Variants in CNGB3 observed in about 807,000 individuals in gnomAD.
CNGB3 encodes cyclic nucleotide-gated channel beta-3.
Under a neutral mutation model 92.8 loss-of-function variants are expected in CNGB3, and 86 were observed. The observed-to-expected ratio is 0.93, with a 90% CI of 0.78 to 1.11. The LOEUF (loss-of-function observed/expected upper bound fraction) is 1.11. CNGB3 is among the 50% of genes least tolerant of loss of function. The probability of loss-of-function intolerance (pLI) is 0.00; values close to 1 mark genes in which losing one functional copy is unlikely to be tolerated. For missense variants in CNGB3, 1,026 were observed against 956.8 expected (o/e 1.07, Z -0.95); for synonymous variants, 333 against 332.7 (o/e 1.00, Z -0.01).
intron 15 of CNGB3, among the ~76,000 whole-genome samples, chr8:86,593,304 G>A (rs762487463): frequency 3.9e-5 from 6 of 152,082 alleles, no homozygotes; most frequent in Non-Finnish European, 8.8e-5. Flanking sequence ...TCCATGCTCT[G>A]TTTATTTATC....
chr8:86,695,983 G>A (rs1480627322), intron 3 of CNGB3, among the ~76,000 whole-genome samples: 1 of 152,086 alleles, frequency 6.6e-6, no homozygotes, highest in Non-Finnish European at 1.5e-5. Context: ...TCTGAAAAGT[G>A]TCCTGTGATT....
At chr8:86,623,647 T>C (rs974552422) in intron 13 of CNGB3, among the ~76,000 whole-genome samples, 10 of 152,190 alleles carry the variant, frequency 6.6e-5, no homozygotes, top group Non-Finnish European at 8.8e-5. Context: ...GCATTAGGGA[T>C]TGAGTTTCCA....
intron 3 of CNGB3, among the ~76,000 whole-genome samples, chr8:86,689,393 T>A (rs1380180860): frequency 6.6e-6 from 1 of 151,858 alleles, no homozygotes; most frequent in East Asian, 1.9e-4. Flanking sequence ...TCTCCAGGTA[T>A]TACTGTATTG....
chr8:86,630,758 C>T (rs558651138), intron 11 of CNGB3, among the ~76,000 whole-genome samples: 53 of 152,048 alleles, frequency 3.5e-4, no homozygotes, highest in Non-Finnish European at 5.0e-4. Context: ...CCTGTAGTCC[C>T]AGCTACCTGG....
intron 4 of CNGB3, among the ~76,000 whole-genome samples, chr8:86,668,551 C>T (rs896051771): frequency 7.9e-5 from 12 of 152,100 alleles, no homozygotes; most frequent in Admixed American, 5.2e-4. Context: ...TTGATACAGA[C>T]AGATGAAACA....
chr8:86,683,821 C>T (rs1318568231), intron 3 of CNGB3, among the ~76,000 whole-genome samples: 4 of 152,076 alleles, frequency 2.6e-5, no homozygotes, highest in Non-Finnish European at 5.9e-5. Context: ...AAACCTACAC[C>T]TTATACAAAA....
intron 6 of CNGB3, among the ~76,000 whole-genome samples, chr8:86,666,261 A>T (rs1455418641): frequency 6.6e-6 from 1 of 152,228 alleles, no homozygotes. Flanking sequence ...TTCTTTTGGT[A>T]TTGATAATTG....
intron 9 of CNGB3, 28 bp downstream of exon 9, chr8:86,644,594 C>T: frequency 1.3e-6 from 2 of 1,597,828 alleles, no homozygotes; most frequent in Admixed American, 1.7e-5. Context: ...TTTTCCCCTT[C>T]CCCCAAGTAT....
intron 14 of CNGB3, among the ~76,000 whole-genome samples, chr8:86,608,301 C>A (rs998844493): frequency 6.6e-6 from 1 of 152,312 alleles, no homozygotes; most frequent in Admixed American, 6.5e-5. Context: ...GACAAGAGTG[C>A]GAGCCTTCTG....
intron 6 of CNGB3, among the ~76,000 whole-genome samples, chr8:86,665,820 C>T (rs1053697588): frequency 9.2e-5 from 14 of 152,120 alleles, no homozygotes; most frequent in Non-Finnish European, 1.5e-4. Context: ...CTGGGCCAAT[C>T]GTACCCCAAA....
chr8:86,629,375 G>A (rs1822915226), intron 11 of CNGB3, among the ~76,000 whole-genome samples: 1 of 152,150 alleles, frequency 6.6e-6, no homozygotes, highest in South Asian at 2.1e-4. Context: ...AACCAAGTGA[G>A]AATTCAGCCA....
At chr8:86,695,143 G>A (rs1308505692) in intron 3 of CNGB3, among the ~76,000 whole-genome samples, 5 of 120,890 alleles carry the variant, frequency 4.1e-5, no homozygotes, top group African/African-American at 6.8e-5. Flanking sequence ...AAAAAAATAC[G>A]AAAACCAGTC....
At chr8:86,740,961 T>C (rs1472341948) in intron 1 of CNGB3, among the ~76,000 whole-genome samples, 1 of 152,176 alleles carries the variant, frequency 6.6e-6, no homozygotes, top group Non-Finnish European at 1.5e-5. Flanking sequence ...AGTCTTTATG[T>C]GTATACAAAT....
intron 3 of CNGB3, among the ~76,000 whole-genome samples, chr8:86,692,652 C>A (rs574382977): frequency 6.6e-6 from 1 of 152,152 alleles, no homozygotes; most frequent in Non-Finnish European, 1.5e-5. Context: ...AGACAGCAGA[C>A]ACTTGGTTGG....
chr8:86,582,892 G>T (rs1821816856), intron 15 of CNGB3, among the ~76,000 whole-genome samples: 1 of 151,832 alleles, frequency 6.6e-6, no homozygotes, highest in South Asian at 2.1e-4. Flanking sequence ...AGAAAGGAAG[G>T]ACATTTAAAA....
At chr8:86,634,917 G>T (rs1823033380) in intron 10 of CNGB3, among the ~76,000 whole-genome samples, 1 of 150,122 alleles carries the variant, frequency 6.7e-6, no homozygotes, top group African/African-American at 2.4e-5. Flanking sequence ...GATCTAGAAA[G>T]AAATTACTCA....
chr8:86,591,651 C>T (rs1435475187), intron 15 of CNGB3, among the ~76,000 whole-genome samples: 1 of 152,226 alleles, frequency 6.6e-6, no homozygotes, highest in Non-Finnish European at 1.5e-5. Flanking sequence ...TTAGGCTGCT[C>T]AGGGGTCAGG....
intron 3 of CNGB3, among the ~76,000 whole-genome samples, chr8:86,696,209 T>C (rs1026674210): frequency 5.3e-5 from 8 of 152,298 alleles, no homozygotes; most frequent in Middle Eastern, 3.4e-3. Context: ...AGTTATCTAT[T>C]GTTTTCTCCT....
chr8:86,586,713 T>C (rs58966072), intron 15 of CNGB3, among the ~76,000 whole-genome samples: 1,891 of 147,864 alleles, frequency 0.013, 8 homozygotes, highest in African/African-American at 0.047. Context: ...ATATGTGCCA[T>C]ATTTTCTTAA....
Sources: gnomAD v4.1 joint callset for allele counts (sites outside exome capture counted in the v4.1 genomes callset) on GRCh38, gnomAD v4.1.1 for gene constraint, MANE v1.5 for transcripts, NCBI Gene and HGNC (gene_info 2026-07-23, HGNC 2026-07-21) for gene names.